The following DNAH11 variants were observed in gnomAD, a reference collection of about 807,000 sequenced individuals.
DNAH11 encodes axonemal beta dynein heavy chain 11.
Under a neutral mutation model 526.0 loss-of-function variants are expected in DNAH11, and 442 were observed. The ratio of observed to expected loss-of-function variants is 0.84; its 90% CI spans 0.78 to 0.91. The LOEUF is 0.91. Ranked by LOEUF, DNAH11 falls within the 40% of genes least tolerant of loss-of-function variation. The probability of loss-of-function intolerance (pLI) is 0.00; values close to 1 mark genes in which losing one functional copy is unlikely to be tolerated. For missense variants in DNAH11, 6,989 were observed against 5,448.7 expected (o/e 1.28, Z -8.90); for synonymous variants, 2,461 against 1,935.9 (o/e 1.27, Z -7.12).
chr7:21,879,591 A>G lies in DNAH11; in HGVS notation c.12196-1111A>G, dbSNP rs188987031. On this transcript the variant is annotated intron_variant, in intron 74 of 81. Transcript: ENST00000409508. Reference sequence around the variant, plus strand: ...AATAATGTGTCGTGGTGATTTTATTAGTTAAGGTACAGGCTAAGCTGCTGT... The same window carrying G: ...AATAATGTGTCGTGGTGATTTTATTGGTTAAGGTACAGGCTAAGCTGCTGT... Among the ~76,000 whole-genome samples the G allele has an allele frequency of 1.1e-3, 164 of 152,318 alleles. 2 individuals are homozygous for G. Among genetic ancestry groups the G allele is most frequent in the African/African-American group, 3.8e-3 (158 of 41,570 alleles).
In DNAH11 at chr7:21,900,042, G is replaced by C; in HGVS notation, c.13225G>C (p.Asp4409His). Reference sequence around the variant, plus strand: ...CCTGGATAAAACGCGCTTGACTGCTGATGTTACCAAAAAAACAAAGGAAGA... The same window carrying C: ...CCTGGATAAAACGCGCTTGACTGCTCATGTTACCAAAAAAACAAAGGAAGA... ...WPLDKTRLTA[D>H]VTKKTKEDYG... The change falls in exon 81 of 82, where the codon GAT becomes CAT. Residue 4409 changes from aspartate to histidine, a missense_variant. By Grantham distance (81) the Asp-to-His change is moderately conservative. Transcript: ENST00000409508. The C allele has an allele frequency of 6.2e-7, 1 of 1,613,894 alleles. No homozygotes were observed. The highest frequency in any genetic ancestry group is 8.5e-7 in the Non-Finnish European group (1 of 1,179,848).
intron 28 of DNAH11, among the ~76,000 whole-genome samples, chr7:21,642,595 T>A (rs1212202834): frequency 6.6e-6 from 1 of 152,112 alleles, no homozygotes; most frequent in African/African-American, 2.4e-5. Context: ...CGAGATAACA[T>A]GGCAACTGCA....
intron 30 of DNAH11, among the ~76,000 whole-genome samples, chr7:21,672,779 G>A (rs1354559544): frequency 3.3e-5 from 5 of 152,066 alleles, no homozygotes; most frequent in African/African-American, 7.3e-5. Context: ...TTAAATTCAC[G>A]GTATGGCCTC....
In DNAH11 at chr7:21,886,019, A is replaced by C. The variant is rs73683004; in HGVS notation, c.12507+1609A>C. ...TCTCTCCCTCATGGCATCCAGGTTCATGGCCATTCCTGGTTATTTCTTGGA... is the reference window on the plus strand; with the variant it reads ...TCTCTCCCTCATGGCATCCAGGTTCCTGGCCATTCCTGGTTATTTCTTGGA... On this transcript the variant is annotated intron_variant, in intron 76 of 81. Coordinates refer to ENST00000409508, the MANE Select transcript of DNAH11 (RefSeq NM_001277115.2). 2.2e-3 allele frequency among the ~76,000 whole-genome samples: 335 copies of C among 152,288 alleles called. 3 individuals carry two copies. The highest frequency in any genetic ancestry group is 7.3e-3 in the African/African-American group (302 of 41,568).
chr7:21,890,411 C>G (rs1009265865), intron 76 of DNAH11, among the ~76,000 whole-genome samples: 3 of 152,190 alleles, frequency 2.0e-5, no homozygotes, highest in African/African-American at 7.2e-5. Context: ...ACAAATGTCC[C>G]CATGGCAGCT....
chr7:21,602,004 A>G (rs1469754190), intron 18 of DNAH11, among the ~76,000 whole-genome samples: 3 of 152,064 alleles, frequency 2.0e-5, no homozygotes, highest in Non-Finnish European at 4.4e-5. Context: ...CTGTCAGTCA[A>G]GAAGTGCCCT....
At position 21,559,742 on chromosome 7, in the gene DNAH11, C is replaced by G. The variant is rs1783380323; in HGVS notation, c.832C>G (p.Leu278Val). Residue 278 changes from leucine (L) to valine (V), a missense_variant, in exon 4 of 82, where the codon CTA becomes GTA. Transcript: ENST00000409508. ...NGLHLSPQAE[L>V]DFWMMRRENL... Reference sequence around the variant, plus strand: ...TCTTCACTTGTCTCCTCAAGCAGAACTAGATTTCTGGATGATGAGGAGAGA... The same window carrying G: ...TCTTCACTTGTCTCCTCAAGCAGAAGTAGATTTCTGGATGATGAGGAGAGA... 1 of 1,608,684 alleles carries G rather than the reference C, an allele frequency of 6.2e-7. No homozygotes were observed. The highest frequency in any genetic ancestry group is 8.5e-7 in the Non-Finnish European group (1 of 1,177,300).
At chr7:21,795,284 G>A (rs1349319852) in intron 61 of DNAH11, among the ~76,000 whole-genome samples, 1 of 152,190 alleles carries the variant, frequency 6.6e-6, no homozygotes, top group Admixed American at 6.5e-5. Flanking sequence ...TACCTAGTGG[G>A]TACTGACCTT....
intron 63 of DNAH11, among the ~76,000 whole-genome samples, chr7:21,816,171 G>A (rs1422698492): frequency 6.6e-6 from 1 of 152,152 alleles, no homozygotes; most frequent in Non-Finnish European, 1.5e-5. Context: ...TTCCTGGGGT[G>A]TAAATTCACT....
intron 9 of DNAH11, among the ~76,000 whole-genome samples, chr7:21,583,328 G>A (rs905997368): frequency 2.0e-5 from 3 of 152,026 alleles, no homozygotes; most frequent in Non-Finnish European, 4.4e-5. Context: ...ACAAAAACAA[G>A]CAATGGGGAA....
intron 30 of DNAH11, among the ~76,000 whole-genome samples, chr7:21,670,143 A>C (rs1399644033): frequency 6.6e-6 from 1 of 152,052 alleles, no homozygotes; most frequent in Non-Finnish European, 1.5e-5. Flanking sequence ...CATCTCAATA[A>C]TTATGGTTCT....
intron 65 of DNAH11, among the ~76,000 whole-genome samples, chr7:21,828,237 C>T (rs573800847): frequency 2.6e-5 from 4 of 152,322 alleles, no homozygotes; most frequent in Admixed American, 2.0e-4. Flanking sequence ...GCATGAGCCA[C>T]CGCGCCTGGC....
chr7:21,771,199 C>T (rs1787420424), intron 55 of DNAH11, among the ~76,000 whole-genome samples: 1 of 152,152 alleles, frequency 6.6e-6, no homozygotes, highest in Non-Finnish European at 1.5e-5. Flanking sequence ...CTCTTTTGCC[C>T]TTCCTCCCTC....
chr7:21,747,651 G>A (rs959123957), intron 51 of DNAH11, among the ~76,000 whole-genome samples: 6 of 152,178 alleles, frequency 3.9e-5, no homozygotes, highest in African/African-American at 1.4e-4. Flanking sequence ...TAGAACAAGG[G>A]ATTAGTTGGC....
At chr7:21,613,240 CACAA>C (rs1359280956) in intron 20 of DNAH11, among the ~76,000 whole-genome samples, 3 of 151,990 alleles carry the variant, frequency 2.0e-5, no homozygotes, top group African/African-American at 7.3e-5. Context: ...AACTGCATTT[CACAA>C]ACATAAATTT....
At chr7:21,685,122 G>A (rs542982057) in intron 32 of DNAH11, among the ~76,000 whole-genome samples, 55 of 152,306 alleles carry the variant, frequency 3.6e-4, no homozygotes, top group African/African-American at 1.2e-3. Flanking sequence ...GTCTAATTCA[G>A]TTCTTCTAAC....
intron 52 of DNAH11, 36 bp downstream of exon 52, chr7:21,748,778 C>T: frequency 6.3e-7 from 1 of 1,579,802 alleles, no homozygotes; most frequent in Non-Finnish European, 8.6e-7. Flanking sequence ...TCTGACCCTT[C>T]TGCTTGGCAG....
intron 66 of DNAH11, chr7:21,851,571 C>A: frequency 2.1e-6 from 1 of 471,542 alleles, no homozygotes. Context: ...TTACTTTTCC[C>A]ATCCTTAGCC....
intron 39 of DNAH11, among the ~76,000 whole-genome samples, chr7:21,706,607 T>G (rs922645182): frequency 2.0e-5 from 3 of 152,218 alleles, no homozygotes; most frequent in African/African-American, 7.2e-5. Flanking sequence ...TTCTATACTT[T>G]CCAGTGGATT....
Sources: gnomAD v4.1 joint callset for allele counts (sites outside exome capture counted in the v4.1 genomes callset) on GRCh38, gnomAD v4.1.1 for gene constraint, MANE v1.5 for transcripts, NCBI Gene and HGNC (gene_info 2026-07-23, HGNC 2026-07-21) for gene names.